ENTPD7: variants seen among roughly 807,000 people sequenced by gnomAD.
ENTPD7 encodes ectonucleoside triphosphate diphosphohydrolase 7.
A neutral mutation model predicts 77.9 loss-of-function variants in ENTPD7; 53 were observed. The ratio of observed to expected loss-of-function variants is 0.68; its 90% confidence interval spans 0.55 to 0.85. The LOEUF (loss-of-function observed/expected upper bound fraction) is 0.85. Ranked by LOEUF, ENTPD7 falls within the 40% of genes least tolerant of loss-of-function variation. The pLI is 0.00. For missense variants in ENTPD7, 636 were observed against 743.7 expected (o/e 0.86, Z 1.68); for synonymous variants, 248 against 274.9 (o/e 0.90, Z 0.97).
At position 99,659,941 on chromosome 10, in the gene ENTPD7, C is replaced by A. The variant is rs780824152; in HGVS notation, c.-16C>A. 6.2e-7 allele frequency: 1 copy of A among 1,614,030 alleles called. No individual in the cohort carries two copies. The highest frequency in any genetic ancestry group is 1.7e-5 in the Admixed American group (1 of 60,020). Reference sequence around the variant, plus strand: ...AAAAAGAAGGTGACAGGCGTTGAGACCACCGAAGGGAACCCATGGCTAGGT... The same window carrying A: ...AAAAAGAAGGTGACAGGCGTTGAGAACACCGAAGGGAACCCATGGCTAGGT... On this transcript the variant is annotated 5_prime_UTR_variant, in exon 2 of 13. Transcript: ENST00000370489. The surrounding 1 kb of genome is among the most constrained non-coding windows in gnomAD (Gnocchi z 4.1).
chr10:99,704,493 G>T lies in ENTPD7; in HGVS notation c.1625G>T (p.Trp542Leu). 1 of 1,614,228 alleles carries T rather than the reference G, an allele frequency of 6.2e-7. No individual in the cohort carries two copies. The highest frequency in any genetic ancestry group is 8.5e-7 in the Non-Finnish European group (1 of 1,180,036). ...QEGVRQAHGS[W>L]FRLSFVYNHY... ...GGTGTCCGACAAGCCCATGGTAGCT[G>T]GTTCCGTCTCTCCTTTGTATACAAC... Residue 542 changes from tryptophan (W) to leucine (L), a missense_variant, in exon 13 of 13, where the codon TGG (tryptophan) becomes TTG (leucine). By Grantham distance (61) the Trp-to-Leu change is moderately conservative. This residue lies in a region of ENTPD7 where 138 missense variants were observed against 150.9 expected (regional missense o/e 0.91). Coordinates refer to ENST00000370489, the MANE Select transcript of ENTPD7 (RefSeq NM_020354.5).
At chr10:99,678,337 G>A (rs1030642873) in intron 3 of ENTPD7, among the ~76,000 whole-genome samples, 48 of 151,592 alleles carry the variant, frequency 3.2e-4, no homozygotes, top group Non-Finnish European at 5.5e-4. Flanking sequence ...GCGTGGTGGC[G>A]GGTGCCTGTA....
chr10:99,704,360 G>A (rs1340963589), intron 12 of ENTPD7, 92 bp from the exon 13 acceptor site: 3 of 1,244,612 alleles, frequency 2.4e-6, no homozygotes, highest in Non-Finnish European at 2.3e-6. Flanking sequence ...TGGAATAAAT[G>A]TGATAACACT....
intron 3 of ENTPD7, among the ~76,000 whole-genome samples, chr10:99,668,585 T>C (rs545927331): frequency 5.3e-5 from 8 of 152,324 alleles, no homozygotes; most frequent in African/African-American, 1.7e-4. Flanking sequence ...TCTAGGAATG[T>C]CAGGTGCATT....
At chr10:99,681,678 C>T (rs544563589) in intron 5 of ENTPD7, among the ~76,000 whole-genome samples, 1 of 152,302 alleles carries the variant, frequency 6.6e-6, no homozygotes, top group East Asian at 1.9e-4. Flanking sequence ...TCCAATTTCT[C>T]CACAGCCCTG....
intron 10 of ENTPD7, among the ~76,000 whole-genome samples, chr10:99,699,565 C>T (rs1192879715): frequency 6.6e-6 from 1 of 152,036 alleles, no homozygotes; most frequent in Non-Finnish European, 1.5e-5. Flanking sequence ...AATCTGTCCT[C>T]ATATTTCTTT....
intron 3 of ENTPD7, among the ~76,000 whole-genome samples, chr10:99,672,307 C>CTTTT (rs35775014): frequency 1.4e-5 from 2 of 138,680 alleles, no homozygotes; most frequent in African/African-American, 5.4e-5. Context: ...GTTACTTGAT[C>CTTTT]TTTTTTTTTT....
In ENTPD7 at chr10:99,705,688, TATTA is replaced by T. The variant is rs757314968; in HGVS notation, c.*1010_*1013del. On this transcript the variant is annotated 3_prime_UTR_variant, in exon 13 of 13. Coordinates refer to ENST00000370489, the MANE Select transcript of ENTPD7 (RefSeq NM_020354.5). ...GCAAAGGCAATAAAATCAAAGTTCTTATTAATTATTTCTGAGAAATAGAAGTTTC... is the reference window on the plus strand; with the variant it reads ...GCAAAGGCAATAAAATCAAAGTTCTTATTATTTCTGAGAAATAGAAGTTTC... 32 of 152,364 alleles carry T rather than the reference TATTA, an allele frequency of 2.1e-4. No individual in the cohort carries two copies. The highest frequency in any genetic ancestry group is 2.6e-4 in the Non-Finnish European group (18 of 68,034). 9.4% of individuals were successfully genotyped at this position (152,364 alleles called of 1,614,324 possible). A position where few individuals can be genotyped will look rare whatever the true frequency, so the allele number is the denominator to read the frequency against.
In ENTPD7 at chr10:99,698,786, T is replaced by C. The variant is rs201688058; in HGVS notation, c.1263T>C (p.Phe421=). ...NNSEFYGFSE[F]FYCTEDVLRI... is the part of the protein sequence containing the mutation. ...GCGAGTTCTACGGCTTCTCTGAGTT[T>C]TTTTATTGTACAGAGGATGTGTTGC... is the stretch of plus-strand genomic sequence containing the variant. The change falls in exon 10 of 13, where the codon TTT becomes TTC. Residue 421 remains phenylalanine, a synonymous_variant. Transcript: ENST00000370489. 35 of 1,614,238 alleles carry C rather than the reference T, an allele frequency of 2.2e-5. No homozygotes were observed. Among genetic ancestry groups the C allele is most frequent in the East Asian group, 1.1e-4 (5 of 44,890 alleles).
rs2133515306 is a variant in ENTPD7, at chr10:99,701,053, A to G, written c.1416A>G (p.Arg472=). 1 of 1,613,714 alleles carries G rather than the reference A, an allele frequency of 6.2e-7. No individual in the cohort carries two copies. The part of the protein sequence containing the change: ...GLFSSHADEH[R]LKYQCFKSAW... ...TTTCATCACATGCAGATGAGCATCG[A>G]CTCAAGTAAGTTACTTCCCTTTCCT... Residue 472 remains arginine (R), a synonymous_variant, in exon 11 of 13, where the codon CGA becomes CGG. Transcript: ENST00000370489.
chr10:99,671,987 T>G (rs1036642700), intron 3 of ENTPD7, among the ~76,000 whole-genome samples: 14 of 152,216 alleles, frequency 9.2e-5, no homozygotes, highest in Non-Finnish European at 1.8e-4. Flanking sequence ...ATGAAATGAT[T>G]AGGTTCTTAT....
In ENTPD7 at chr10:99,662,330, ACTT is replaced by A. The variant is rs547360144; in HGVS notation, c.191+709_191+711del. The stretch of plus-strand genomic sequence containing the variant: ...CTCTCATGTTGGCTTATTAGATATA[ACTT>A]CTTCTTTTTTTAGTGGTTACTTTAA... On this transcript the variant is annotated intron_variant, in intron 3 of 12. Coordinates refer to ENST00000370489, the MANE Select transcript of ENTPD7 (RefSeq NM_020354.5). Among the ~76,000 whole-genome samples the A allele has an allele frequency of 1.6e-3, 250 of 151,998 alleles. 2 individuals carry two copies. Among genetic ancestry groups the A allele is most frequent in the Non-Finnish European group, 2.4e-3 (161 of 67,974 alleles).
At chr10:99,684,509 G>A (rs1009739191) in intron 5 of ENTPD7, among the ~76,000 whole-genome samples, 1 of 152,148 alleles carries the variant, frequency 6.6e-6, no homozygotes, top group African/African-American at 2.4e-5. Flanking sequence ...AATTCTTATT[G>A]CAAGAATTTA....
intron 3 of ENTPD7, among the ~76,000 whole-genome samples, chr10:99,677,731 C>T (rs1046812838): frequency 6.6e-6 from 1 of 152,130 alleles, no homozygotes; most frequent in African/African-American, 2.4e-5. Flanking sequence ...AGCCTTTTTC[C>T]TCAGAGTCTT....
chr10:99,659,980 T>G lies in ENTPD7; in HGVS notation c.8+16T>G. On this transcript the variant is annotated intron_variant, in intron 2 of 12. Transcript: ENST00000370489. The surrounding 1 kb of genome is among the most constrained non-coding windows in gnomAD (Gnocchi z 4.1). ...CCATGGCTAGGTAAGGCTGCACACTTTCCCTCCGGCTGGGAGCACGGCAGA... is the reference window on the plus strand; with the variant it reads ...CCATGGCTAGGTAAGGCTGCACACTGTCCCTCCGGCTGGGAGCACGGCAGA... 6.2e-7 allele frequency: 1 copy of G among 1,613,634 alleles called. No homozygotes were observed. Among genetic ancestry groups the G allele is most frequent in the Non-Finnish European group, 8.5e-7 (1 of 1,179,874 alleles).
At position 99,711,099 on chromosome 10, in the gene ENTPD7, T is replaced by C. The variant is rs968479225; in HGVS notation, c.*6416T>C. On this transcript the variant is annotated 3_prime_UTR_variant, in exon 13 of 13. Transcript: ENST00000370489. ...CTGGGAGTGCTGGGAATAACATAAA[T>C]ACAAAAAAAACCCTAAGATAATCAT... The C allele has an allele frequency of 3.4e-6, 3 of 870,152 alleles. No individual in the cohort carries two copies. The African/African-American group carries it at 9.1e-5, about 26-fold the overall frequency. 53.9% of individuals were successfully genotyped at this position (870,152 alleles called of 1,614,324 possible). A position where few individuals can be genotyped will look rare whatever the true frequency, so the allele number is the denominator to read the frequency against.
intron 3 of ENTPD7, among the ~76,000 whole-genome samples, chr10:99,676,700 G>T (rs1244222873): frequency 6.6e-6 from 1 of 152,200 alleles, no homozygotes; most frequent in Non-Finnish European, 1.5e-5. Context: ...GCTGTTGCTA[G>T]TTGATTGGTG....
chr10:99,703,231 G>A (rs1036133938), intron 12 of ENTPD7, among the ~76,000 whole-genome samples: 2 of 58,124 alleles, frequency 3.4e-5, no homozygotes, highest in African/African-American at 1.7e-4. Flanking sequence ...TCAGATATTT[G>A]GGACAATTTT....
At chr10:99,702,860 G>A (rs191458217) in intron 12 of ENTPD7, among the ~76,000 whole-genome samples, 187 bp downstream of exon 12, 14 of 152,154 alleles carry the variant, frequency 9.2e-5, no homozygotes, top group African/African-American at 1.9e-4. Flanking sequence ...AGGCATGCTC[G>A]AACAGAAAGA....
Sources: allele counts gnomAD v4.1 joint callset (sites outside exome capture counted in the v4.1 genomes callset), GRCh38; gene constraint gnomAD v4.1.1; regional missense constraint gnomAD v4.1.1; non-coding constraint Gnocchi (gnomAD v3.1); transcripts MANE v1.5; gene names NCBI Gene and HGNC (gene_info 2026-07-23, HGNC 2026-07-21).